PTPRM: variants seen among roughly 807,000 people sequenced by gnomAD.
The protein encoded by PTPRM is protein tyrosine phosphatase receptor type M.
Under a neutral mutation model 186.7 loss-of-function variants are expected in PTPRM, and 47 were observed. The ratio of observed to expected loss-of-function variants is 0.25; its 90% CI spans 0.20 to 0.32. The LOEUF is 0.32. Ranked by LOEUF, PTPRM falls within the 10% of genes least tolerant of loss-of-function variation. PTPRM has a pLI of 1.00. For missense variants in PTPRM, 1,494 were observed against 1,865.0 expected (o/e 0.80, Z 3.66); for synonymous variants, 668 against 674.9 (o/e 0.99, Z 0.16).
In PTPRM at chr18:7,955,620, T is replaced by C. The variant is rs557911948; in HGVS notation, c.1132+206T>C. On this transcript the variant is annotated intron_variant, in intron 7 of 32. Coordinates refer to ENST00000580170, the MANE Select transcript of PTPRM (RefSeq NM_001105244.2). ...CCTCCAGGCTTGGTATTTCTCAGCC[T>C]GCCCCCACCCTTTTTCCTATTGTTA... Among the ~76,000 whole-genome samples, 3 of 152,284 alleles carry C rather than the reference T, an allele frequency of 2.0e-5. No homozygotes were observed. The South Asian group carries it at 6.2e-4, about 32-fold the overall frequency.
intron 11 of PTPRM, among the ~76,000 whole-genome samples, chr18:8,098,729 T>C (rs1289044761): frequency 1.2e-4 from 19 of 152,124 alleles, no homozygotes; most frequent in Admixed American, 1.2e-3. Context: ...CTGCAAAAAC[T>C]TGTCTTCTCA....
intron 2 of PTPRM, among the ~76,000 whole-genome samples, chr18:7,805,227 A>G (rs949042484): frequency 6.6e-6 from 1 of 152,160 alleles, no homozygotes; most frequent in Non-Finnish European, 1.5e-5. Context: ...TGTTTTTCAC[A>G]TAACAGTTTT....
intron 2 of PTPRM, among the ~76,000 whole-genome samples, chr18:7,885,394 C>G (rs1025087075): frequency 6.6e-6 from 1 of 152,186 alleles, no homozygotes; most frequent in Non-Finnish European, 1.5e-5. Flanking sequence ...CTTCTTGCCA[C>G]TCCTTGCATT....
intron 14 of PTPRM, among the ~76,000 whole-genome samples, chr18:8,174,041 G>A (rs556326368): frequency 0.016 from 2,399 of 150,126 alleles, 69 homozygotes; most frequent in African/African-American, 0.056. Flanking sequence ...ACTCCAGTCT[G>A]AGCAACAGAG....
intron 1 of PTPRM, among the ~76,000 whole-genome samples, chr18:7,701,452 T>C (rs552778728): frequency 1.3e-5 from 2 of 151,382 alleles, no homozygotes; most frequent in African/African-American, 4.9e-5. Flanking sequence ...TAAAAAAAAG[T>C]AGCTGGGCGT....
At chr18:7,926,025 A>AGT (rs1214545265) in intron 4 of PTPRM, among the ~76,000 whole-genome samples, 4 of 152,224 alleles carry the variant, frequency 2.6e-5, no homozygotes, top group Non-Finnish European at 4.4e-5. Flanking sequence ...CATTTCACAG[A>AGT]GTGTGTCTAA....
At chr18:8,053,152 CT>C (rs1451264467) in intron 7 of PTPRM, among the ~76,000 whole-genome samples, 4 of 152,002 alleles carry the variant, frequency 2.6e-5, no homozygotes, top group Non-Finnish European at 5.9e-5. Flanking sequence ...TATCATTTGT[CT>C]TTATTGTGTT....
At chr18:7,723,391 G>A (rs2040486305) in intron 1 of PTPRM, among the ~76,000 whole-genome samples, 1 of 152,162 alleles carries the variant, frequency 6.6e-6, no homozygotes. Context: ...TAATAGATCA[G>A]AAAACATTTA....
chr18:7,985,412 AAT>A (rs1440119365), intron 7 of PTPRM, among the ~76,000 whole-genome samples: 1 of 140,714 alleles, frequency 7.1e-6, no homozygotes, highest in African/African-American at 2.6e-5. Context: ...TACGTATATA[AAT>A]ATATACATAT....
chr18:7,681,024 G>A (rs1319495074), intron 1 of PTPRM, among the ~76,000 whole-genome samples: 16 of 152,156 alleles, frequency 1.1e-4, no homozygotes. Context: ...AGAAATGTGG[G>A]TGAACAGTGC....
At chr18:7,696,467 C>A (rs1270399736) in intron 1 of PTPRM, among the ~76,000 whole-genome samples, 1 of 152,130 alleles carries the variant, frequency 6.6e-6, no homozygotes, top group East Asian at 1.9e-4. Context: ...TATCACTTTT[C>A]TGGCATATTT....
chr18:7,732,677 T>TGGAGCA (rs1455190937), intron 1 of PTPRM, among the ~76,000 whole-genome samples: 2 of 151,954 alleles, frequency 1.3e-5, no homozygotes, highest in Admixed American at 6.6e-5. Flanking sequence ...TGGCTAATTT[T>TGGAGCA]TGAAATTGTT....
chr18:8,324,421 A>G (rs1231489912), intron 22 of PTPRM, among the ~76,000 whole-genome samples: 1 of 152,216 alleles, frequency 6.6e-6, no homozygotes, highest in African/African-American at 2.4e-5. Context: ...CAATTATAAT[A>G]TATTAGAAAA....
intron 31 of PTPRM, among the ~76,000 whole-genome samples, chr18:8,390,362 G>A (rs2095803278): frequency 1.3e-5 from 2 of 152,194 alleles, no homozygotes; most frequent in Non-Finnish European, 1.5e-5. Context: ...CACGACCGCG[G>A]GTAGATTTGT....
intron 19 of PTPRM, among the ~76,000 whole-genome samples, chr18:8,270,908 G>C (rs1244033703): frequency 6.6e-6 from 1 of 151,938 alleles, no homozygotes; most frequent in Non-Finnish European, 1.5e-5. Flanking sequence ...GAAGTTCCGG[G>C]AAACTAATGT....
chr18:8,035,783 G>A (rs1173640735), intron 7 of PTPRM, among the ~76,000 whole-genome samples: 1 of 152,120 alleles, frequency 6.6e-6, no homozygotes, highest in Non-Finnish European at 1.5e-5. Context: ...TGGTACAGGA[G>A]CACATGGATA....
intron 4 of PTPRM, among the ~76,000 whole-genome samples, chr18:7,913,804 A>G (rs903613384): frequency 6.6e-6 from 1 of 152,138 alleles, no homozygotes; most frequent in East Asian, 1.9e-4. Flanking sequence ...TTTGATGCCA[A>G]TTTAAAAACA....
In PTPRM at chr18:8,271,237, C is replaced by T. The variant is rs994634149; in HGVS notation, c.2754+17823C>T. On this transcript the variant is annotated intron_variant, in intron 19 of 32. Transcript: ENST00000580170. ...CTGGATTTGATAGGATCCTTTTTAG[C>T]ATTTTTTGAGATACAAAATAATTAT... Among the ~76,000 whole-genome samples, 3 of 151,974 alleles carry T rather than the reference C, an allele frequency of 2.0e-5. No homozygotes were observed. In the East Asian group the frequency reaches 5.8e-4, roughly 29 times the overall value.
intron 7 of PTPRM, among the ~76,000 whole-genome samples, chr18:8,018,431 A>G (rs185439124): frequency 4.1e-4 from 62 of 152,296 alleles, no homozygotes; most frequent in African/African-American, 1.3e-3. Flanking sequence ...CGCACCCCTC[A>G]TTGTCACAGA....
Sources: allele counts gnomAD v4.1 joint callset (sites outside exome capture counted in the v4.1 genomes callset), GRCh38; gene constraint gnomAD v4.1.1; transcripts MANE v1.5; gene names NCBI Gene and HGNC (gene_info 2026-07-23, HGNC 2026-07-21).